The following MCF2L variants were observed in gnomAD, a reference collection of about 807,000 sequenced individuals.
The protein encoded by MCF2L is guanine nucleotide exchange factor DBS.
In MCF2L, 97 loss-of-function variants were observed where a neutral mutation model predicts 153.4. The observed-to-expected ratio is 0.63, with a 90% CI of 0.54 to 0.75. MCF2L has a LOEUF of 0.75. MCF2L is among the 30% of genes least tolerant of loss of function. The pLI, the probability that MCF2L is intolerant of heterozygous loss-of-function variation, is 0.00. For missense variants in MCF2L, 1,347 were observed against 1,495.2 expected, an observed-to-expected ratio of 0.90 and a Z score of 1.64; for synonymous variants, 659 against 632.2, an observed-to-expected ratio of 1.04 and a Z score of -0.64.
At chr13:113,018,978 T>G (rs1241566979) in intron 2 of MCF2L, among the ~76,000 whole-genome samples, 2 of 152,176 alleles carry the variant, frequency 1.3e-5, no homozygotes. Context: ...CCAGGCAGCC[T>G]CAGGTGTGTG....
chr13:113,053,563 G>T lies in MCF2L; in HGVS notation c.370-7030G>T, dbSNP rs1566808690. Reference sequence around the variant, plus strand: ...CGTCCGGATTTCCCCAGGAGAAGGTGCCTCTCCTCTTGGTAATCAGTGGGT... The same window carrying T: ...CGTCCGGATTTCCCCAGGAGAAGGTTCCTCTCCTCTTGGTAATCAGTGGGT... On this transcript the variant is annotated intron_variant, in intron 4 of 29. Transcript: ENST00000535094. The surrounding 1 kb of genome is among the most constrained non-coding windows in gnomAD (Gnocchi z 4.4). 6.6e-6 allele frequency among the ~76,000 whole-genome samples: 1 copy of T among 152,314 alleles called. No individual in the cohort carries two copies. The highest frequency in any genetic ancestry group is 2.4e-5 in the African/African-American group (1 of 41,574).
rs538346242 is a variant in MCF2L, at chr13:113,089,812, C to T, written c.2953+84C>T. 45 of 1,600,910 alleles carry T rather than the reference C, an allele frequency of 2.8e-5. 2 individuals are homozygous for T. In the South Asian group the frequency reaches 3.1e-4, roughly 11 times the overall value. On this transcript the variant is annotated intron_variant, in intron 26 of 29. Coordinates refer to ENST00000535094, the MANE Select transcript of MCF2L (RefSeq NM_001112732.3). ...GTGCTCACTGCATCCGAGAAACCTG[C>T]GCTTCCTGCAGTGTGAAGAAGCTTT...
chr13:113,050,396 A>T (rs564138412), intron 4 of MCF2L, among the ~76,000 whole-genome samples: 1 of 151,804 alleles, frequency 6.6e-6, no homozygotes, highest in Non-Finnish European at 1.5e-5. Context: ...AACTAAATCT[A>T]GATCCTCAAG....
At chr13:112,899,593 G>A (rs1036741573) in intron 1 of MCF2L, among the ~76,000 whole-genome samples, 10 of 152,154 alleles carry the variant, frequency 6.6e-5, no homozygotes, top group African/African-American at 1.4e-4. Flanking sequence ...GCTGTTGTTC[G>A]AAGCAGCTGG....
chr13:112,979,276 C>T (rs762338218), intron 1 of MCF2L: 80 of 1,052,722 alleles, frequency 7.6e-5, no homozygotes, highest in Non-Finnish European at 8.1e-5. Context: ...GTCCAGCCCA[C>T]GCAAGCCCCC....
chr13:113,021,502 G>A (rs944123466), intron 2 of MCF2L, among the ~76,000 whole-genome samples: 9 of 152,290 alleles, frequency 5.9e-5, no homozygotes, highest in South Asian at 4.1e-4. Flanking sequence ...GGTGGGGACC[G>A]GAGGCTGCCC....
rs555022902 is a variant in MCF2L at position 113,064,183 on chromosome 13, G to A, written c.490-121G>A. The stretch of plus-strand genomic sequence containing the variant: ...TCCAGGTGCCCCCACCCACACAGCC[G>A]CCCGCAGCATCCAGGCAGACGTGGT... On this transcript the variant is annotated intron_variant, in intron 5 of 29. Transcript: ENST00000535094. This position sits in a 1 kb window ranked among gnomAD's most constrained non-coding sequence, Gnocchi z 6.0. 2.4e-4 allele frequency: 184 copies of A among 768,312 alleles called. No homozygotes were observed. Among genetic ancestry groups the A allele is most frequent in the Admixed American group, 1.9e-3 (105 of 56,418 alleles). 47.6% of individuals were successfully genotyped at this position (768,312 alleles called of 1,614,324 possible).
At chr13:112,977,689 G>A (rs923453051) in intron 1 of MCF2L, among the ~76,000 whole-genome samples, 20 of 152,176 alleles carry the variant, frequency 1.3e-4, no homozygotes, top group Non-Finnish European at 1.5e-4. Flanking sequence ...GGAAGGAAAG[G>A]CAGAGAGAGA....
chr13:113,059,204 T>C (rs1394104228), intron 4 of MCF2L, among the ~76,000 whole-genome samples: 1 of 152,234 alleles, frequency 6.6e-6, no homozygotes, highest in Non-Finnish European at 1.5e-5. Context: ...GCAGTAGAGA[T>C]GAGCCCAGGT....
chr13:112,971,972 C>T (rs1419701918), intron 1 of MCF2L, among the ~76,000 whole-genome samples: 1 of 152,218 alleles, frequency 6.6e-6, no homozygotes, highest in African/African-American at 2.4e-5. Context: ...CATGCGTCAC[C>T]TTGGGGGCTT....
intron 1 of MCF2L, chr13:112,979,843 G>A (rs2082343172): frequency 7.7e-7 from 1 of 1,293,910 alleles, no homozygotes; most frequent in Non-Finnish European, 1.1e-6. Context: ...GTGCCTCCCT[G>A]GGGTATTTCT....
chr13:112,999,658 A>G (rs1390225986), intron 1 of MCF2L, among the ~76,000 whole-genome samples: 7 of 151,508 alleles, frequency 4.6e-5, no homozygotes, highest in African/African-American at 1.7e-4. Flanking sequence ...ATTGTGGGAG[A>G]GGGGGTGTTT....
chr13:113,038,476 A>G (rs1566781815), intron 3 of MCF2L, among the ~76,000 whole-genome samples: 1 of 152,126 alleles, frequency 6.6e-6, no homozygotes, highest in Middle Eastern at 3.4e-3. Flanking sequence ...AAAAAAAAAA[A>G]AAAAAGAAAG....
At position 113,027,329 on chromosome 13, in the gene MCF2L, G is replaced by A. The variant is rs2085375115; in HGVS notation, c.278+2571G>A. ...CCTCTGCAGTCATGCCTCAAGGAGA[G>A]GGAGAGCGGTGGGCACCTCTGTCCA... On this transcript the variant is annotated intron_variant, in intron 3 of 29. Coordinates refer to ENST00000535094, the MANE Select transcript of MCF2L (RefSeq NM_001112732.3). The surrounding 1 kb of genome is among the most constrained non-coding windows in gnomAD (Gnocchi z 4.8). 6.6e-6 allele frequency among the ~76,000 whole-genome samples: 1 copy of A among 152,122 alleles called. No homozygotes were observed. The highest frequency in any genetic ancestry group is 6.5e-5 in the Admixed American group (1 of 15,276).
At position 113,084,177 on chromosome 13, in the gene MCF2L, G is replaced by A. The variant is rs538238993; in HGVS notation, c.2061+110G>A. 8.1e-4 allele frequency: 761 copies of A among 944,652 alleles called. 2 individuals are homozygous for A. The highest frequency in any genetic ancestry group is 7.1e-4 in the Non-Finnish European group (415 of 586,296). 58.5% of individuals were successfully genotyped at this position (944,652 alleles called of 1,614,324 possible). A position where few individuals can be genotyped will look rare whatever the true frequency, so the allele number is the denominator to read the frequency against. On this transcript the variant is annotated intron_variant, in intron 18 of 29. Coordinates refer to ENST00000535094, the MANE Select transcript of MCF2L (RefSeq NM_001112732.3). ...CTAACCAACTGAAATCACAAAATAC[G>A]ATGTTTTCAATTTGGCTGAGATACC...
chr13:112,984,321 G>A (rs1044798169), intron 1 of MCF2L, among the ~76,000 whole-genome samples: 9 of 151,540 alleles, frequency 5.9e-5, no homozygotes, highest in Non-Finnish European at 1.2e-4. Context: ...CTGCAACCCT[G>A]CCTCCTGGGT....
chr13:113,077,634 C>T (rs969433880), intron 13 of MCF2L, among the ~76,000 whole-genome samples: 4 of 152,198 alleles, frequency 2.6e-5, no homozygotes, highest in Non-Finnish European at 4.4e-5. Flanking sequence ...TCCTCACACA[C>T]GGCCCAGACC....
chr13:112,984,285 G>T (rs2082547431), intron 1 of MCF2L, among the ~76,000 whole-genome samples: 1 of 151,930 alleles, frequency 6.6e-6, no homozygotes, highest in African/African-American at 2.4e-5. Context: ...ACCCAGGCTG[G>T]AGTGCAATGG....
intron 26 of MCF2L, chr13:113,094,165 C>T (rs749638331): frequency 1.1e-5 from 2 of 178,920 alleles, no homozygotes; most frequent in African/African-American, 2.4e-5. Context: ...ACTGAAAACA[C>T]CTGCCTGGGA....
Sources: allele counts gnomAD v4.1 joint callset (sites outside exome capture counted in the v4.1 genomes callset), GRCh38; gene constraint gnomAD v4.1.1; non-coding constraint Gnocchi (gnomAD v3.1); transcripts MANE v1.5; gene names NCBI Gene and HGNC (gene_info 2026-07-23, HGNC 2026-07-21).